Variants in NCALD observed in about 807,000 individuals in gnomAD.
NCALD encodes neurocalcin-delta.
Under a neutral mutation model 18.6 loss-of-function variants are expected in NCALD, and 10 were observed. The ratio of observed to expected loss-of-function variants is 0.54; its 90% CI spans 0.33 to 0.91. NCALD has a LOEUF of 0.91. Among genes scored for constraint, NCALD ranks in the 40% least tolerant of loss-of-function variants. The pLI, the probability that NCALD is intolerant of heterozygous loss-of-function variation, is 0.03. For synonymous variants in NCALD, 88 were observed against 87.4 expected (o/e 1.01, Z -0.04); for missense variants, 184 against 247.6 (o/e 0.74, Z 1.72).
chr8:102,037,305 A>G lies in NCALD; in HGVS notation c.-209-17016T>C, dbSNP rs1400253900. On this transcript the variant is annotated intron_variant, in intron 1 of 6. Coordinates refer to the NCALD transcript ENST00000311028. ...TAAGTAACTTGCCCAAGGCCATGAA[A>G]TCAAATAGTGTTAAGCCAGTATTCA... Among the ~76,000 whole-genome samples the G allele has an allele frequency of 2.6e-5, 4 of 152,224 alleles. No individual in the cohort carries two copies. In the East Asian group the frequency reaches 5.8e-4, roughly 22 times the overall value.
At chr8:101,888,300 T>A (rs867923435) in intron 3 of NCALD, among the ~76,000 whole-genome samples, 5 of 152,174 alleles carry the variant, frequency 3.3e-5, no homozygotes, top group African/African-American at 1.2e-4. Context: ...ATAAAAACCC[T>A]AGTACTCAGG....
intron 1 of NCALD, among the ~76,000 whole-genome samples, chr8:101,743,788 C>T (rs886525299): frequency 6.6e-6 from 1 of 152,178 alleles, no homozygotes. Flanking sequence ...GGATGAGGCA[C>T]ACAGCAAAGC....
chr8:102,070,478 T>C (rs1433174819), intron 1 of NCALD, among the ~76,000 whole-genome samples: 1 of 152,196 alleles, frequency 6.6e-6, no homozygotes, highest in Non-Finnish European at 1.5e-5. Context: ...AAAACATAAT[T>C]AGCTCTTTCA....
At chr8:101,836,522 G>A (rs1814421402) in intron 4 of NCALD, among the ~76,000 whole-genome samples, 1 of 152,128 alleles carries the variant, frequency 6.6e-6, no homozygotes, top group South Asian at 2.1e-4. Flanking sequence ...GATTTGACTG[G>A]AGTAAATCAA....
intron 1 of NCALD, among the ~76,000 whole-genome samples, chr8:101,722,981 TGACA>T (rs1816426234): frequency 6.6e-6 from 1 of 152,214 alleles, no homozygotes; most frequent in Non-Finnish European, 1.5e-5. Context: ...AGGGGACATT[TGACA>T]GAGTTTCATT....
chr8:101,744,489 C>A (rs1433811909), intron 1 of NCALD, among the ~76,000 whole-genome samples: 1 of 152,222 alleles, frequency 6.6e-6, no homozygotes, highest in African/African-American at 2.4e-5. Context: ...TAGCAAGACA[C>A]GTAGTGCTGG....
intron 1 of NCALD, among the ~76,000 whole-genome samples, chr8:101,727,087 C>T (rs776729438): frequency 5.3e-5 from 8 of 152,158 alleles, no homozygotes; most frequent in African/African-American, 1.2e-4. Flanking sequence ...CTCAATATAA[C>T]GAAACAAGTA....
At chr8:101,692,717 A>T in intron 3 of NCALD, 74 bp downstream of exon 3, 2 of 1,476,410 alleles carry the variant, frequency 1.4e-6, no homozygotes, top group Non-Finnish European at 1.9e-6. Context: ...CTCGAGTGGC[A>T]CTTCCCAGTC....
chr8:101,850,888 AGATT>A (rs1815065940), intron 4 of NCALD, among the ~76,000 whole-genome samples: 1 of 152,210 alleles, frequency 6.6e-6, no homozygotes, highest in African/African-American at 2.4e-5. Flanking sequence ...GAGAAGACCC[AGATT>A]GACAGTTGTC....
At chr8:101,818,366 G>T (rs1457354520) in intron 4 of NCALD, among the ~76,000 whole-genome samples, 2 of 152,152 alleles carry the variant, frequency 1.3e-5, no homozygotes, top group Non-Finnish European at 2.9e-5. Context: ...GCTAGCCCCT[G>T]GAGGTAAGTA....
At chr8:102,015,679 C>A (rs766848365) in intron 2 of NCALD, among the ~76,000 whole-genome samples, 38 of 152,152 alleles carry the variant, frequency 2.5e-4, no homozygotes, top group Non-Finnish European at 4.7e-4. Flanking sequence ...CACAAGGCAA[C>A]GAAGTGAACT....
At chr8:101,874,884 T>C (rs1816167156) in intron 4 of NCALD, among the ~76,000 whole-genome samples, 1 of 151,970 alleles carries the variant, frequency 6.6e-6, no homozygotes, top group Non-Finnish European at 1.5e-5. Context: ...GGGAGGGGTA[T>C]AAGCGGAAAA....
At chr8:101,878,670 AT>A (rs1413807390) in intron 4 of NCALD, among the ~76,000 whole-genome samples, 11 of 151,862 alleles carry the variant, frequency 7.2e-5, no homozygotes, top group Non-Finnish European at 1.5e-5. Flanking sequence ...AGCTAACATT[AT>A]TTTTTTAGAC....
rs562671654 is a variant in NCALD, at chr8:102,078,663, G to C, written c.-210+45574C>G. Among the ~76,000 whole-genome samples the C allele has an allele frequency of 4.7e-4, 72 of 152,290 alleles. 1 individual carries two copies. The highest frequency in any genetic ancestry group is 9.1e-4 in the Non-Finnish European group (62 of 68,018). The stretch of plus-strand genomic sequence containing the variant: ...TTGACTCATGCTGGCCTCTTTGCCT[G>C]GAATTGTCTTCCCCAGATCTTCGCA... On this transcript the variant is annotated intron_variant, in intron 1 of 6. Coordinates refer to the NCALD transcript ENST00000311028.
intron 4 of NCALD, among the ~76,000 whole-genome samples, chr8:101,832,018 C>G (rs1281406916): frequency 1.3e-5 from 2 of 152,192 alleles, no homozygotes; most frequent in Non-Finnish European, 2.9e-5. Flanking sequence ...CAAACCAAAC[C>G]TGCCTCTGGG....
At chr8:101,898,138 T>G (rs1448737647) in intron 3 of NCALD, among the ~76,000 whole-genome samples, 3 of 152,224 alleles carry the variant, frequency 2.0e-5, no homozygotes, top group East Asian at 1.9e-4. Flanking sequence ...TTAAACTTCT[T>G]TCCTTTATAA....
chr8:101,817,761 G>A (rs905269898), intron 4 of NCALD, among the ~76,000 whole-genome samples: 2 of 152,116 alleles, frequency 1.3e-5, no homozygotes, highest in Non-Finnish European at 2.9e-5. Context: ...GACCCCTCCC[G>A]TGAATGCAGC....
At chr8:102,013,469 C>T (rs1821975241) in intron 2 of NCALD, among the ~76,000 whole-genome samples, 1 of 152,076 alleles carries the variant, frequency 6.6e-6, no homozygotes, top group Non-Finnish European at 1.5e-5. Context: ...AGAATATGCC[C>T]AACTTAAAGA....
At chr8:102,047,011 T>C (rs912575343) in intron 1 of NCALD, among the ~76,000 whole-genome samples, 3 of 152,184 alleles carry the variant, frequency 2.0e-5, no homozygotes, top group African/African-American at 7.2e-5. Flanking sequence ...GTCTGTTGTT[T>C]CCTTCTTTGC....
Sources: gnomAD v4.1 joint callset for allele counts (sites outside exome capture counted in the v4.1 genomes callset) on GRCh38, gnomAD v4.1.1 for gene constraint, MANE v1.5 for transcripts, NCBI Gene and HGNC (gene_info 2026-07-23, HGNC 2026-07-21) for gene names.